The following ASPH variants were observed in gnomAD, a reference collection of about 807,000 sequenced individuals.
The protein encoded by ASPH is aspartate beta-hydroxylase.
ASPH carries 100 observed loss-of-function variants against 118.4 expected under a neutral mutation model. The ratio of observed to expected loss-of-function variants is 0.84; its 90% confidence interval spans 0.72 to 1.00. The LOEUF (loss-of-function observed/expected upper bound fraction) is 1.00, where lower values mean the gene tolerates loss of function less well. Ranked by LOEUF, ASPH falls within the 50% of genes least tolerant of loss-of-function variation. ASPH has a pLI of 0.00. For synonymous variants in ASPH, 315 were observed against 325.6 expected (o/e 0.97, Z 0.35); for missense variants, 920 against 919.5 (o/e 1.00, Z -0.01).
intron 20 of ASPH, 32 bp from the exon 21 acceptor site, chr8:61,548,240 G>T: frequency 6.3e-7 from 1 of 1,588,560 alleles, no homozygotes; most frequent in Non-Finnish European, 8.6e-7. Context: ...GCTCCAAACT[G>T]TTCCTTCAAC....
chr8:61,518,269 G>C, intron 22 of ASPH, 146 bp from the exon 23 acceptor site: 1 of 655,288 alleles, frequency 1.5e-6, no homozygotes, highest in Non-Finnish European at 2.5e-6. Flanking sequence ...GAATGCAAAA[G>C]GCTTATTGGA....
intron 21 of ASPH, among the ~76,000 whole-genome samples, chr8:61,534,694 C>T (rs1818838841): frequency 6.6e-6 from 1 of 152,202 alleles, no homozygotes; most frequent in Non-Finnish European, 1.5e-5. Flanking sequence ...TCTAATCAAT[C>T]ATAATTGGTC....
chr8:61,571,417 G>GGTATAGTATTTGCATATTGCCTATCCAT (rs1833445419), intron 16 of ASPH, among the ~76,000 whole-genome samples: 1 of 147,900 alleles, frequency 6.8e-6, no homozygotes, highest in African/African-American at 2.5e-5. Context: ...GATATAAAAT[G>GGTATAGTATTTGCATATTGCCTATCCAT]GTATAGTATT....
chr8:61,608,593 T>C (rs1846306146), intron 14 of ASPH, among the ~76,000 whole-genome samples: 1 of 152,148 alleles, frequency 6.6e-6, no homozygotes, highest in African/African-American at 2.4e-5. Flanking sequence ...CCCCTTCAAA[T>C]CGGATTCAAA....
At chr8:61,610,943 G>A (rs1847150583) in intron 14 of ASPH, among the ~76,000 whole-genome samples, 1 of 152,232 alleles carries the variant, frequency 6.6e-6, no homozygotes, top group Non-Finnish European at 1.5e-5. Context: ...CAATGGAATG[G>A]ACCCTCAGAG....
intron 13 of ASPH, among the ~76,000 whole-genome samples, chr8:61,622,868 A>G (rs1209652537): frequency 6.6e-6 from 1 of 152,214 alleles, no homozygotes; most frequent in Non-Finnish European, 1.5e-5. Context: ...GAGTGGGTGC[A>G]TTCAATAAAA....
chr8:61,554,508 C>A (rs1182564644), intron 19 of ASPH, among the ~76,000 whole-genome samples: 2 of 152,152 alleles, frequency 1.3e-5, no homozygotes, highest in Non-Finnish European at 2.9e-5. Flanking sequence ...ATCTAATTAG[C>A]TATGTCCAAT....
At chr8:61,569,911 T>G (rs1832938944) in intron 16 of ASPH, among the ~76,000 whole-genome samples, 1 of 152,218 alleles carries the variant, frequency 6.6e-6, no homozygotes. Context: ...CTGGCTCTTC[T>G]GTATAGGTAT....
chr8:61,590,550 CTG>C (rs5891814), intron 14 of ASPH, among the ~76,000 whole-genome samples: 33,939 of 146,506 alleles, frequency 0.23, 4,384 homozygotes, highest in African/African-American at 0.37. Flanking sequence ...TAATTTAACT[CTG>C]TGTGTGTGTG....
chr8:61,518,108 T>C lies in ASPH; in HGVS notation c.1916A>G (p.Asn639Ser). 6.2e-7 allele frequency: 1 copy of C among 1,613,366 alleles called. No homozygotes were observed. Among genetic ancestry groups the C allele is most frequent in the Non-Finnish European group, 8.5e-7 (1 of 1,179,446 alleles). The change falls in exon 23 of 25, where the codon AAT becomes AGT. Residue 639 changes from asparagine to serine, a missense_variant. Coordinates refer to ENST00000379454, the MANE Select transcript of ASPH (RefSeq NM_004318.4). ...TLWQQGRRNE[N>S]ACKGAPKTCT... is the part of the protein sequence containing the mutation. ...GGTTTTAGGAGCTCCTTTGCAGGCA[T>C]TTTCATTTCTTCTTCCTAGAATAAA...
rs1644789146 is a variant in ASPH at position 61,601,035 on chromosome 8, TAA to T, written c.977-17008_977-17007del. On this transcript the variant is annotated intron_variant, in intron 14 of 24. Coordinates refer to ENST00000379454, the MANE Select transcript of ASPH (RefSeq NM_004318.4). The stretch of plus-strand genomic sequence containing the variant: ...CATAACGATAAATAAATCAATTCAT[TAA>T]GAGAACATAATAATCTAAATGTTCA... 3.3e-5 allele frequency among the ~76,000 whole-genome samples: 5 copies of T among 151,492 alleles called. No homozygotes were observed. In the South Asian group the frequency reaches 6.2e-4, roughly 19 times the overall value.
intron 1 of ASPH, among the ~76,000 whole-genome samples, chr8:61,709,820 G>T (rs1837643287): frequency 6.6e-6 from 1 of 152,158 alleles, no homozygotes; most frequent in East Asian, 1.9e-4. Context: ...AGATTTCTGA[G>T]CCATTAAGGG....
chr8:61,645,371 A>C (rs1260980410), intron 6 of ASPH, among the ~76,000 whole-genome samples: 1 of 152,174 alleles, frequency 6.6e-6, no homozygotes, highest in Non-Finnish European at 1.5e-5. Flanking sequence ...TGTTTATTTC[A>C]GCATCTTAAC....
intron 24 of ASPH, among the ~76,000 whole-genome samples, chr8:61,508,899 C>A (rs1807696154): frequency 6.6e-6 from 1 of 152,192 alleles, no homozygotes; most frequent in African/African-American, 2.4e-5. Flanking sequence ...GAATATTTGA[C>A]ACAGCTCTTA....
rs973691100 is a variant in ASPH at position 61,500,728 on chromosome 8, A to G, written c.*2631T>C. 5 of 152,244 alleles carry G rather than the reference A, an allele frequency of 3.3e-5. No individual in the cohort carries two copies. The highest frequency in any genetic ancestry group is 1.2e-4 in the African/African-American group (5 of 41,470). The allele number at this position is 152,244 out of a possible 1,614,324, so 9.4% of individuals were successfully genotyped here. A position where few individuals can be genotyped will look rare whatever the true frequency, so the allele number is the denominator to read the frequency against. On this transcript the variant is annotated 3_prime_UTR_variant, in exon 25 of 25. Transcript: ENST00000379454. The stretch of plus-strand genomic sequence containing the variant: ...TTAGACATCTCTTATTCGCCCAGCC[A>G]TCTGCATGACATGGGTATTTATTAG...
rs1391071752 is a variant in ASPH, at chr8:61,707,868, G to A, written c.103+6401C>T. On this transcript the variant is annotated intron_variant, in intron 1 of 24. Coordinates refer to ENST00000379454, the MANE Select transcript of ASPH (RefSeq NM_004318.4). ...ACAGTATATATACATATATGTGTGT[G>A]TGTGTATAGGTATATTTCTACACAT... Among the ~76,000 whole-genome samples the A allele has an allele frequency of 2.6e-5, 4 of 152,126 alleles. 1 individual carries two copies. The highest frequency in any genetic ancestry group is 2.0e-4 in the Admixed American group (3 of 15,284).
intron 3 of ASPH, chr8:61,663,782 G>T: frequency 1.0e-6 from 1 of 976,406 alleles, no homozygotes; most frequent in Non-Finnish European, 1.2e-6. Flanking sequence ...TTTCTTCTCT[G>T]TTGTATAATT....
chr8:61,675,933 G>T (rs1423684272), intron 3 of ASPH: 1 of 1,495,046 alleles, frequency 6.7e-7, no homozygotes, highest in African/African-American at 1.4e-5. Context: ...AGCTGTACTG[G>T]GCAAGATCAC....
At chr8:61,620,994 C>G (rs1270127801) in intron 13 of ASPH, among the ~76,000 whole-genome samples, 1 of 152,198 alleles carries the variant, frequency 6.6e-6, no homozygotes, top group African/African-American at 2.4e-5. Context: ...GCCGGGTCTC[C>G]TCATGTCCTT....
Sources: allele counts gnomAD v4.1 joint callset (sites outside exome capture counted in the v4.1 genomes callset), GRCh38; gene constraint gnomAD v4.1.1; transcripts MANE v1.5; gene names NCBI Gene and HGNC (gene_info 2026-07-23, HGNC 2026-07-21).